Variants in WDR82 observed in about 807,000 individuals in gnomAD.
WDR82 encodes the protein WD repeat-containing protein 82.
In WDR82, 8 loss-of-function variants were observed where a neutral mutation model predicts 36.1. That is an observed-to-expected ratio of 0.22 (90% confidence interval 0.13 to 0.40). The LOEUF (loss-of-function observed/expected upper bound fraction) is 0.40. Ranked by LOEUF, WDR82 falls within the 10% of genes least tolerant of loss-of-function variation. The pLI is 1.00. For synonymous variants in WDR82, 129 were observed against 137.8 expected, an observed-to-expected ratio of 0.94 and a Z score of 0.45; for missense variants, 185 against 400.5, an observed-to-expected ratio of 0.46 and a Z score of 4.59.
intron 3 of WDR82, among the ~76,000 whole-genome samples, 183 bp from the exon 4 acceptor site, chr3:52,261,662 A>T (rs933237706): frequency 3.4e-5 from 5 of 148,610 alleles, no homozygotes; most frequent in Non-Finnish European, 7.5e-5. Flanking sequence ...CAACTAGTAT[A>T]AAAAAAAAAA....
intron 5 of WDR82, 121 bp downstream of exon 5, chr3:52,260,264 G>T (rs1042778728): frequency 3.1e-6 from 2 of 639,134 alleles, no homozygotes; most frequent in Non-Finnish European, 5.1e-6. Context: ...GGGAGGCAGA[G>T]GTTGCAGTGA....
At chr3:52,261,321 T>TTCA in intron 4 of WDR82, 59 bp downstream of exon 4, 1 of 1,418,990 alleles carries the variant, frequency 7.0e-7, no homozygotes, top group South Asian at 1.2e-5. Flanking sequence ...AGAGGTAGAG[T>TTCA]TCATTACAGT....
intron 4 of WDR82, among the ~76,000 whole-genome samples, chr3:52,261,155 C>CA (rs1700057975): frequency 6.6e-6 from 1 of 152,034 alleles, no homozygotes; most frequent in Non-Finnish European, 1.5e-5. Context: ...AACAAAACAA[C>CA]AAAAAACCCA....
At position 52,271,388 on chromosome 3, in the gene WDR82, G is replaced by A. The variant is rs571962754; in HGVS notation, c.162-579C>T. On this transcript the variant is annotated intron_variant, in intron 1 of 8. Transcript: ENST00000296490. ...GTGTGCAGATTATACCGTCAGGTTTGTGTAAGTACACTCTATGATGCTGCT... is the reference window on the plus strand; with the variant it reads ...GTGTGCAGATTATACCGTCAGGTTTATGTAAGTACACTCTATGATGCTGCT... 3.2e-3 allele frequency among the ~76,000 whole-genome samples: 488 copies of A among 152,322 alleles called. 3 individuals are homozygous for A. The highest frequency in any genetic ancestry group is 0.011 in the African/African-American group (460 of 41,570).
At chr3:52,275,787 G>A (rs1453838583) in intron 1 of WDR82, among the ~76,000 whole-genome samples, 1 of 152,224 alleles carries the variant, frequency 6.6e-6, no homozygotes, top group Non-Finnish European at 1.5e-5. Context: ...AGGAGGCTGA[G>A]GCAGGAGAAT....
intron 2 of WDR82, among the ~76,000 whole-genome samples, chr3:52,269,495 C>T (rs1489447493): frequency 1.3e-5 from 2 of 151,698 alleles, no homozygotes; most frequent in Non-Finnish European, 2.9e-5. Flanking sequence ...AAGAATAGGC[C>T]GGGCACGGTG....
intron 3 of WDR82, 86 bp from the exon 4 acceptor site, chr3:52,261,565 CATAT>C (rs1210934015): frequency 5.4e-6 from 6 of 1,118,020 alleles, no homozygotes; most frequent in African/African-American, 1.6e-5. Context: ...CCTATCTATA[CATAT>C]ATATACCTGT....
Position 52,278,617 on chromosome 3 carries a change from T to C in WDR82, c.-256A>G. 2.5e-6 allele frequency: 1 copy of C among 399,176 alleles called. No homozygotes were observed. Among genetic ancestry groups the C allele is most frequent in the Admixed American group, 4.4e-5 (1 of 22,666 alleles). The allele number at this position is 399,176 out of a possible 1,614,324, so 24.7% of individuals were successfully genotyped here. A position where few individuals can be genotyped will look rare whatever the true frequency, so the allele number is the denominator to read the frequency against. ...ACCGGCGCGTCGCCGGCTCATTGTG[T>C]CCGCCATTTTGGGGCGACAGGCAGA... On this transcript the variant is annotated 5_prime_UTR_variant, in exon 1 of 9. Transcript: ENST00000296490.
chr3:52,266,559 T>C (rs1342404981), intron 3 of WDR82, among the ~76,000 whole-genome samples: 1 of 152,124 alleles, frequency 6.6e-6, no homozygotes. Flanking sequence ...TGCCTCAGCC[T>C]CCCGAGTAGC....
chr3:52,275,989 C>T (rs950832276), intron 1 of WDR82, among the ~76,000 whole-genome samples: 1 of 152,234 alleles, frequency 6.6e-6, no homozygotes, highest in Non-Finnish European at 1.5e-5. Flanking sequence ...TATTTACCTA[C>T]AGTCATGAAG....
Position 52,267,640 on chromosome 3 carries a change from A to G in WDR82, c.260-622T>C, listed in dbSNP as rs560124558. The G allele has an allele frequency of 2.0e-5, 3 of 152,582 alleles. No individual in the cohort carries two copies. The East Asian group carries it at 5.8e-4, about 29-fold the overall frequency. The allele number at this position is 152,582 out of a possible 1,614,324, so 9.5% of individuals were successfully genotyped here. ...AAAAAGATCTTAAGACATTAAAAAA[A>G]TCAAATTCTTATACCAATGAGTAAT... On this transcript the variant is annotated intron_variant, in intron 2 of 8. Transcript: ENST00000296490.
intron 1 of WDR82, among the ~76,000 whole-genome samples, chr3:52,272,351 C>A (rs757069740): frequency 2.6e-5 from 4 of 151,980 alleles, no homozygotes; most frequent in Non-Finnish European, 4.4e-5. Flanking sequence ...TGAGACCAGC[C>A]TGGCCAACAT....
rs1486174909 is a variant in WDR82 at position 52,254,753 on chromosome 3, C to A, written c.*2737G>T. ...GCCCCAATTCTTAAGGTGGCAAACG[C>A]CGCTGCCCCACTCCCCACCCATCCC... On this transcript the variant is annotated 3_prime_UTR_variant, in exon 9 of 9. Transcript: ENST00000296490. The A allele has an allele frequency of 6.6e-6, 1 of 152,256 alleles. No individual in the cohort carries two copies. The highest frequency in any genetic ancestry group is 1.5e-5 in the Non-Finnish European group (1 of 68,052). 9.4% of individuals were successfully genotyped at this position (152,256 alleles called of 1,614,324 possible). A position where few individuals can be genotyped will look rare whatever the true frequency, so the allele number is the denominator to read the frequency against.
chr3:52,265,663 T>C (rs1700099467), intron 3 of WDR82, among the ~76,000 whole-genome samples: 1 of 151,088 alleles, frequency 6.6e-6, no homozygotes, highest in African/African-American at 2.4e-5. Context: ...GCAGCCTCTG[T>C]CTCGCGGGTT....
Position 52,270,796 on chromosome 3 carries a change from G to T in WDR82, c.175C>A (p.Leu59Met). 1 of 1,606,526 alleles carries T rather than the reference G, an allele frequency of 6.2e-7. No individual in the cohort carries two copies. ...DCQEGKPKRT[L>M]YSKKYGVDLI... Reference sequence around the variant, plus strand: ...TCCACACCATATTTCTTACTGTACAGGGTTCTCTTTGGTCTGATAAGAAAA... The same window carrying T: ...TCCACACCATATTTCTTACTGTACATGGTTCTCTTTGGTCTGATAAGAAAA... Residue 59 changes from leucine to methionine, a missense_variant, in exon 2 of 9, where the codon CTG becomes ATG. Coordinates refer to ENST00000296490, the MANE Select transcript of WDR82 (RefSeq NM_025222.4).
chr3:52,271,804 C>T (rs901433862), intron 1 of WDR82, among the ~76,000 whole-genome samples: 1 of 152,232 alleles, frequency 6.6e-6, no homozygotes, highest in African/African-American at 2.4e-5. Context: ...CAAAATCACA[C>T]ATTTCTGGCC....
intron 2 of WDR82, 71 bp from the exon 3 acceptor site, chr3:52,267,089 A>T: frequency 1.6e-6 from 2 of 1,270,098 alleles, no homozygotes; most frequent in Non-Finnish European, 2.3e-6. Flanking sequence ...TTTTCATCTT[A>T]AAAAGACAAG....
chr3:52,273,283 T>C (rs1357270432), intron 1 of WDR82, among the ~76,000 whole-genome samples: 3 of 151,756 alleles, frequency 2.0e-5, no homozygotes, highest in Non-Finnish European at 4.4e-5. Flanking sequence ...TTAAAAAAAT[T>C]AGCCAGGTGT....
At position 52,256,340 on chromosome 3, in the gene WDR82, GAT is replaced by G. The variant is rs1480842788; in HGVS notation, c.*1148_*1149del. The G allele has an allele frequency of 6.5e-6, 1 of 153,798 alleles. No homozygotes were observed. Among genetic ancestry groups the G allele is most frequent in the Non-Finnish European group, 1.5e-5 (1 of 68,070 alleles). 9.5% of individuals were successfully genotyped at this position (153,798 alleles called of 1,614,324 possible). On this transcript the variant is annotated 3_prime_UTR_variant, in exon 9 of 9. Transcript: ENST00000296490. ...GAACTCTTGGAAACTACAGATGAGAGATATATGCATACGCACACACATATATG... is the reference window on the plus strand; with the variant it reads ...GAACTCTTGGAAACTACAGATGAGAGATATGCATACGCACACACATATATG...
Sources: allele counts gnomAD v4.1 joint callset (sites outside exome capture counted in the v4.1 genomes callset), GRCh38; gene constraint gnomAD v4.1.1; transcripts MANE v1.5; gene names NCBI Gene and HGNC (gene_info 2026-07-23, HGNC 2026-07-21).